Variants in ZFAT observed in about 807,000 individuals in gnomAD.
The protein encoded by ZFAT is zinc finger protein ZFAT.
A neutral mutation model predicts 117.7 loss-of-function variants in ZFAT; 64 were observed. The observed-to-expected ratio is 0.54, with a 90% CI of 0.44 to 0.67. The LOEUF is 0.67. Among genes scored for constraint, ZFAT ranks in the 30% least tolerant of loss-of-function variants. The pLI is 0.00. For synonymous variants in ZFAT, 679 were observed against 615.0 expected, an observed-to-expected ratio of 1.10 and a Z score of -1.54; for missense variants, 1,433 against 1,584.5, an observed-to-expected ratio of 0.90 and a Z score of 1.62.
At chr8:134,604,204 A>G (rs1321383389) in intron 5 of ZFAT, among the ~76,000 whole-genome samples, 1 of 152,180 alleles carries the variant, frequency 6.6e-6, no homozygotes, top group African/African-American at 2.4e-5. Flanking sequence ...TCCCAACTGT[A>G]TTGTTATACT....
chr8:134,523,342 C>A (rs1820799796), intron 12 of ZFAT, among the ~76,000 whole-genome samples: 1 of 152,200 alleles, frequency 6.6e-6, no homozygotes, highest in South Asian at 2.1e-4. Flanking sequence ...TAATGACTTT[C>A]CTATTTGTAG....
rs9324426 is a variant in ZFAT at position 134,609,567 on chromosome 8, T to C, written c.635-688A>G. On this transcript the variant is annotated intron_variant, in intron 4 of 15. Transcript: ENST00000377838. ...ACAGAAGGAGAATTTATTCAGATTT[T>C]TCATTTTAAATAATGAGTTACTCTT... Among the ~76,000 whole-genome samples, 1,186 of 152,308 alleles carry C rather than the reference T, an allele frequency of 7.8e-3. 18 individuals carry two copies. The highest frequency in any genetic ancestry group is 0.026 in the African/African-American group (1,086 of 41,572).
At chr8:134,791,627 C>G in the ZFAT span, among the ~76,000 whole-genome samples, 3 of 152,044 alleles carry the variant, frequency 2.0e-5, no homozygotes, top group African/African-American at 7.2e-5. Context: ...AATAAGTAAC[C>G]TATATAGAAG....
At chr8:134,554,947 G>C (rs951330968) in intron 11 of ZFAT, among the ~76,000 whole-genome samples, 5 of 152,164 alleles carry the variant, frequency 3.3e-5, no homozygotes, top group Admixed American at 3.3e-4. Context: ...AACTACAAAT[G>C]AGATTTATTC....
chr8:134,574,043 T>G (rs1350016995), intron 10 of ZFAT, among the ~76,000 whole-genome samples: 1 of 152,234 alleles, frequency 6.6e-6, no homozygotes, highest in Non-Finnish European at 1.5e-5. Flanking sequence ...GGAATACTTG[T>G]TATCCTAGCT....
intron 12 of ZFAT, among the ~76,000 whole-genome samples, chr8:134,521,795 C>T (rs1586635528): frequency 6.6e-6 from 1 of 152,312 alleles, no homozygotes; most frequent in African/African-American, 2.4e-5. Context: ...TGGTGCCAGG[C>T]CTCTAGTCTA....
intron 1 of ZFAT, among the ~76,000 whole-genome samples, chr8:134,691,261 T>C (rs4909347): frequency 0.28 from 42,869 of 152,238 alleles, 6,373 homozygotes; most frequent in East Asian, 0.4. Flanking sequence ...CCAAGTGCTG[T>C]AAGCATCTGA....
At chr8:134,750,440 A>ATGTGTC in the ZFAT span, among the ~76,000 whole-genome samples, 5 of 152,126 alleles carry the variant, frequency 3.3e-5, no homozygotes, top group African/African-American at 1.2e-4. Context: ...CCTTATATTT[A>ATGTGTC]TGTGTCTTCC....
chr8:134,569,733 C>T (rs894490993), intron 10 of ZFAT, among the ~76,000 whole-genome samples: 1 of 152,110 alleles, frequency 6.6e-6, no homozygotes, highest in African/African-American at 2.4e-5. Flanking sequence ...ATACAGGTGA[C>T]CCCACAGTGG....
the ZFAT span, among the ~76,000 whole-genome samples, chr8:134,805,500 A>C: frequency 6.6e-6 from 1 of 152,248 alleles, no homozygotes; most frequent in Non-Finnish European, 1.5e-5. Context: ...TGTACAGTTC[A>C]AGGAAATGAG....
At chr8:134,781,211 A>C in the ZFAT span, among the ~76,000 whole-genome samples, 1 of 151,990 alleles carries the variant, frequency 6.6e-6, no homozygotes, top group African/African-American at 2.4e-5. Flanking sequence ...CTGCAGTCTC[A>C]ATCTCCTGTG....
intron 1 of ZFAT, among the ~76,000 whole-genome samples, chr8:134,661,696 C>A (rs1351298027): frequency 3.3e-5 from 5 of 152,168 alleles, no homozygotes; most frequent in African/African-American, 1.2e-4. Flanking sequence ...CACAGATCTG[C>A]AGAGGAGTCA....
intron 10 of ZFAT, among the ~76,000 whole-genome samples, chr8:134,568,379 C>A (rs1214921001): frequency 2.0e-5 from 3 of 152,218 alleles, no homozygotes; most frequent in Non-Finnish European, 4.4e-5. Flanking sequence ...CCAGTTGAAT[C>A]TCAGTTAAAC....
chr8:134,521,230 T>C (rs562567642), intron 12 of ZFAT, among the ~76,000 whole-genome samples: 10 of 152,328 alleles, frequency 6.6e-5, no homozygotes, highest in Non-Finnish European at 1.5e-4. Context: ...TGAATAAGCT[T>C]TTGTAGACAG....
At chr8:134,547,708 G>T (rs574149347) in intron 11 of ZFAT, among the ~76,000 whole-genome samples, 3 of 152,292 alleles carry the variant, frequency 2.0e-5, no homozygotes, top group Admixed American at 2.0e-4. Flanking sequence ...CTCAACATAA[G>T]AAAACAATAC....
intron 1 of ZFAT, among the ~76,000 whole-genome samples, chr8:134,664,322 C>T (rs1355368379): frequency 6.6e-6 from 1 of 152,166 alleles, no homozygotes; most frequent in Non-Finnish European, 1.5e-5. Context: ...TGCCACATGG[C>T]CTGTCCAGGG....
Position 134,703,487 on chromosome 8 carries a change from G to A in ZFAT, c.19+9358C>T, listed in dbSNP as rs529521750. ...ACGGCTCATGCCTTGGCCATTGCAC[G>A]CAGCCCAGATAGGGCCTCACACACA... On this transcript the variant is annotated intron_variant, in intron 1 of 15. Coordinates refer to ENST00000377838, the MANE Select transcript of ZFAT (RefSeq NM_020863.4). Among the ~76,000 whole-genome samples, 4 of 152,300 alleles carry A rather than the reference G, an allele frequency of 2.6e-5. No homozygotes were observed. In the East Asian group the frequency reaches 5.8e-4, roughly 22 times the overall value.
chr8:134,793,585 C>G, the ZFAT span: 2 of 152,232 alleles, frequency 1.3e-5, no homozygotes, highest in East Asian at 3.8e-4. Context: ...CAGTTCACAA[C>G]AGGGTCTGTG....
chr8:134,702,665 C>CTTTTTTTTTTTTTTT (rs555992709), intron 1 of ZFAT, among the ~76,000 whole-genome samples: 1 of 144,050 alleles, frequency 6.9e-6, no homozygotes, highest in African/African-American at 2.5e-5. Flanking sequence ...ATCTCTATTT[C>CTTTTTTTTTTTTTTT]TTTTTTTTTT....
Sources: allele counts gnomAD v4.1 joint callset (sites outside exome capture counted in the v4.1 genomes callset), GRCh38; gene constraint gnomAD v4.1.1; transcripts MANE v1.5; gene names NCBI Gene and HGNC (gene_info 2026-07-23, HGNC 2026-07-21).